The following RIMS1 variants were observed in gnomAD, a reference collection of about 807,000 sequenced individuals.
The protein encoded by RIMS1 is regulating synaptic membrane exocytosis 1.
A neutral mutation model predicts 214.1 loss-of-function variants in RIMS1; 83 were observed. The ratio of observed to expected loss-of-function variants is 0.39; its 90% confidence interval spans 0.32 to 0.47. The LOEUF is 0.47. RIMS1 is among the 20% of genes least tolerant of loss of function. RIMS1 has a pLI of 0.99. For synonymous variants in RIMS1, 793 were observed against 786.8 expected (o/e 1.01, Z -0.13); for missense variants, 2,050 against 2,161.8 (o/e 0.95, Z 1.03).
At chr6:71,965,205 C>T (rs947023675) in intron 1 of RIMS1, among the ~76,000 whole-genome samples, 1 of 152,026 alleles carries the variant, frequency 6.6e-6, no homozygotes, top group Non-Finnish European at 1.5e-5. Context: ...ACTATTTGGC[C>T]GCTTCCTGCA....
chr6:72,312,497 G>A (rs2095559974), intron 27 of RIMS1, among the ~76,000 whole-genome samples: 1 of 151,984 alleles, frequency 6.6e-6, no homozygotes, highest in Non-Finnish European at 1.5e-5. Context: ...GTAGAAATAA[G>A]AGTAGCTTAA....
At chr6:72,170,985 A>G (rs118006937) in intron 4 of RIMS1, among the ~76,000 whole-genome samples, 1,698 of 152,256 alleles carry the variant, frequency 0.011, 10 homozygotes, top group Non-Finnish European at 0.017. Flanking sequence ...TCCCTATTTT[A>G]TAAATGAGGA....
At position 71,966,138 on chromosome 6, in the gene RIMS1, G is replaced by A. The variant is rs148637596; in HGVS notation, c.165-2845G>A. 2.5e-4 allele frequency among the ~76,000 whole-genome samples: 38 copies of A among 152,246 alleles called. No individual in the cohort carries two copies. The East Asian group carries it at 7.3e-3, about 29-fold the overall frequency. ...GCAAACAAAAATCTTGTGATTAGAA[G>A]CCCCCGAAATTGGGTAAATGATTAG... is the stretch of plus-strand genomic sequence containing the variant. On this transcript the variant is annotated intron_variant, in intron 1 of 33. Coordinates refer to ENST00000521978, the MANE Select transcript of RIMS1 (RefSeq NM_014989.7).
intron 2 of RIMS1, among the ~76,000 whole-genome samples, chr6:72,025,065 G>A (rs1168765809): frequency 4.0e-5 from 6 of 151,708 alleles, no homozygotes; most frequent in South Asian, 2.1e-4. Context: ...CACCATACCC[G>A]GCTAATTTTT....
In RIMS1 at chr6:72,198,084, C is replaced by T. The variant is rs192964093; in HGVS notation, c.1678+14935C>T. ...AAACAAAATAGAACAACCATATAAT[C>T]CAGTAGTCCCACTACTGGTATTTAT... is the stretch of plus-strand genomic sequence containing the variant. On this transcript the variant is annotated intron_variant, in intron 6 of 33. Coordinates refer to ENST00000521978, the MANE Select transcript of RIMS1 (RefSeq NM_014989.7). 1.5e-4 allele frequency among the ~76,000 whole-genome samples: 23 copies of T among 152,152 alleles called. No homozygotes were observed. In the East Asian group the frequency reaches 4.4e-3, roughly 29 times the overall value.
In RIMS1 at chr6:72,154,511, A is replaced by G. The variant is rs202022339; in HGVS notation, c.472-25064A>G. Among the ~76,000 whole-genome samples, 4 of 140,736 alleles carry G rather than the reference A, an allele frequency of 2.8e-5. 1 individual carries two copies. The highest frequency in any genetic ancestry group is 6.5e-5 in the Non-Finnish European group (4 of 61,970). 92.3% of individuals were successfully genotyped at this position (140,736 alleles called of 152,430 possible). ...AAAACATAATATGAGAAGTTAACAA[A>G]TGAGAACAACCTGGTGAGTTGAATG... On this transcript the variant is annotated intron_variant, in intron 4 of 33. Coordinates refer to ENST00000521978, the MANE Select transcript of RIMS1 (RefSeq NM_014989.7).
chr6:72,135,354 A>G (rs1562396919), intron 4 of RIMS1, among the ~76,000 whole-genome samples: 1 of 152,216 alleles, frequency 6.6e-6, no homozygotes. Context: ...ATCATGCATA[A>G]TGTCACCTCA....
intron 1 of RIMS1, among the ~76,000 whole-genome samples, chr6:71,892,964 G>A (rs1770414082): frequency 6.6e-6 from 1 of 152,146 alleles, no homozygotes; most frequent in African/African-American, 2.4e-5. Flanking sequence ...ATCCATCCAA[G>A]CATCAGATTT....
At chr6:71,919,232 G>A (rs1779286379) in intron 1 of RIMS1, among the ~76,000 whole-genome samples, 1 of 152,056 alleles carries the variant, frequency 6.6e-6, no homozygotes, top group South Asian at 2.1e-4. Flanking sequence ...TCAGTGGGGA[G>A]AGATAGGTGG....
At chr6:72,256,024 G>A (rs1302837005) in intron 16 of RIMS1, among the ~76,000 whole-genome samples, 2 of 100,028 alleles carry the variant, frequency 2.0e-5, no homozygotes, top group African/African-American at 7.8e-5. Flanking sequence ...GACTCCATCT[G>A]AAAAAAAAAA....
At chr6:72,102,919 A>G (rs1000033581) in intron 4 of RIMS1, among the ~76,000 whole-genome samples, 3 of 152,264 alleles carry the variant, frequency 2.0e-5, no homozygotes, top group Non-Finnish European at 2.9e-5. Context: ...ATGATGAAGC[A>G]TATGATCCTA....
rs1415457558 is a variant in RIMS1 at position 72,318,239 on chromosome 6, T to C, written c.4130+4567T>C. On this transcript the variant is annotated intron_variant, in intron 28 of 33. Coordinates refer to ENST00000521978, the MANE Select transcript of RIMS1 (RefSeq NM_014989.7). ...ATTCTTATAGACTTGGAATTACTTC[T>C]ATATTGGTGTATGCTTTTAATTTTT... 2.0e-5 allele frequency among the ~76,000 whole-genome samples: 3 copies of C among 152,290 alleles called. No individual in the cohort carries two copies. The East Asian group carries it at 5.8e-4, about 29-fold the overall frequency.
intron 4 of RIMS1, among the ~76,000 whole-genome samples, chr6:72,138,607 A>G (rs2041683070): frequency 6.6e-6 from 1 of 152,210 alleles, no homozygotes; most frequent in Non-Finnish European, 1.5e-5. Context: ...GTGGGATGAG[A>G]ACAAGGGAGG....
intron 29 of RIMS1, among the ~76,000 whole-genome samples, chr6:72,378,280 C>T (rs1206348512): frequency 6.6e-6 from 1 of 152,216 alleles, no homozygotes; most frequent in Non-Finnish European, 1.5e-5. Flanking sequence ...AGGAATTTCA[C>T]AATACTGCAT....
In RIMS1 at chr6:72,122,704, G is replaced by A. The variant is rs188894973; in HGVS notation, c.471+22718G>A. On this transcript the variant is annotated intron_variant, in intron 4 of 33. Transcript: ENST00000521978. ...TCAACTTCTTCCTGGTTTAGCCTTC[G>A]GAAGGTGTATGTGTCCAGGAATTTA... Among the ~76,000 whole-genome samples the A allele has an allele frequency of 6.3e-4, 95 of 151,794 alleles. 1 individual carries two copies. The Middle Eastern group carries it at 0.014, about 22-fold the overall frequency.
rs114151019 is a variant in RIMS1, at chr6:72,260,009, G to A, written c.3054-696G>A. Among the ~76,000 whole-genome samples the A allele has an allele frequency of 3.6e-3, 541 of 152,216 alleles. 3 individuals carry two copies. Among genetic ancestry groups the A allele is most frequent in the African/African-American group, 0.012 (511 of 41,546 alleles). On this transcript the variant is annotated intron_variant, in intron 18 of 33. Transcript: ENST00000521978. ...TAGCGTTGTGACCTTCAAGAATGGA[G>A]TCACAATAGGTACTAGGATGAAGAG...
chr6:72,266,040 A>T lies in RIMS1; in HGVS notation c.3389A>T (p.Glu1130Val), dbSNP rs1648183008. 6.4e-7 allele frequency: 1 copy of T among 1,574,070 alleles called. No individual in the cohort carries two copies. The highest frequency in any genetic ancestry group is 1.2e-5 in the South Asian group (1 of 85,708). ...CCAGATACTAGTTTGCATTCACCAGAACGAGAAAGGTATAAAATAAAGACT... is the reference window on the plus strand; with the variant it reads ...CCAGATACTAGTTTGCATTCACCAGTACGAGAAAGGTATAAAATAAAGACT... ...LRPDTSLHSP[E>V]RERGRWSPSL... Residue 1130 changes from glutamate (E) to valine (V), a missense_variant, in exon 22 of 34, where the codon GAA (glutamate) becomes GTA (valine). Glu to Val is a moderately radical substitution (Grantham distance 121, BLOSUM62 -2). Around this residue, in one of 6 missense-constraint regions of RIMS1, gnomAD observed 889 missense variants for 885.5 expected, o/e 1.00. Coordinates refer to ENST00000521978, the MANE Select transcript of RIMS1 (RefSeq NM_014989.7).
chr6:72,065,092 T>C (rs1828953206), intron 2 of RIMS1, among the ~76,000 whole-genome samples: 1 of 152,210 alleles, frequency 6.6e-6, no homozygotes. Flanking sequence ...ATTAATTATC[T>C]GTGATTAGAG....
At chr6:72,305,692 G>C (rs1025705564) in intron 26 of RIMS1, among the ~76,000 whole-genome samples, 1 of 151,888 alleles carries the variant, frequency 6.6e-6, no homozygotes, top group Non-Finnish European at 1.5e-5. Flanking sequence ...CTCCTTATAT[G>C]TTGCCAAGTA....
Sources: allele counts gnomAD v4.1 joint callset (sites outside exome capture counted in the v4.1 genomes callset), GRCh38; gene constraint gnomAD v4.1.1; regional missense constraint gnomAD v4.1.1; transcripts MANE v1.5; gene names NCBI Gene and HGNC (gene_info 2026-07-23, HGNC 2026-07-21).